The following NCKAP5 variants were observed in gnomAD, a reference collection of about 807,000 sequenced individuals.
The protein encoded by NCKAP5 is NCK associated protein 5, also known as nck-associated protein 5.
A neutral mutation model predicts 167.0 loss-of-function variants in NCKAP5; 92 were observed. The observed-to-expected ratio is 0.55, with a 90% CI of 0.47 to 0.66. NCKAP5 has a LOEUF of 0.66. Among genes scored for constraint, NCKAP5 ranks in the 30% least tolerant of loss-of-function variants. NCKAP5 has a pLI of 0.00. For missense variants in NCKAP5, 2,378 were observed against 2,315.0 expected (o/e 1.03, Z -0.56); for synonymous variants, 891 against 877.4 (o/e 1.02, Z -0.27).
intron 3 of NCKAP5, among the ~76,000 whole-genome samples, chr2:133,418,789 T>A (rs1376605243): frequency 6.6e-6 from 1 of 152,184 alleles, no homozygotes; most frequent in African/African-American, 2.4e-5. Context: ...GCCGTTAGTG[T>A]TTCTAATAGG....
At chr2:133,349,670 T>A (rs914520079) in intron 3 of NCKAP5, among the ~76,000 whole-genome samples, 1 of 152,224 alleles carries the variant, frequency 6.6e-6, no homozygotes, top group Non-Finnish European at 1.5e-5. Flanking sequence ...GTTCACATGT[T>A]TGGCATTTTA....
intron 3 of NCKAP5, among the ~76,000 whole-genome samples, chr2:133,322,398 G>C (rs1306272541): frequency 6.6e-6 from 1 of 152,188 alleles, no homozygotes; most frequent in East Asian, 1.9e-4. Context: ...GAGTGAGCTT[G>C]TGGAAAGATA....
intron 6 of NCKAP5, among the ~76,000 whole-genome samples, chr2:133,016,453 AG>A (rs1249724912): frequency 6.6e-6 from 1 of 152,240 alleles, no homozygotes; most frequent in Non-Finnish European, 1.5e-5. Flanking sequence ...AAATCTTTAC[AG>A]GCCTTCCGTG....
rs570670520 is a variant in NCKAP5 at position 133,567,475 on chromosome 2, C to G, written c.-130+741G>C. On this transcript the variant is annotated intron_variant, in intron 1 of 19. Transcript: ENST00000409261. Reference sequence around the variant, plus strand: ...AAGAGAACATGTGGATTTTGTATACCGATCTAGCTCAGTGTCAAAGTTTGC... The same window carrying G: ...AAGAGAACATGTGGATTTTGTATACGGATCTAGCTCAGTGTCAAAGTTTGC... Among the ~76,000 whole-genome samples, 344 of 152,188 alleles carry G rather than the reference C, an allele frequency of 2.3e-3. 2 individuals are homozygous for G. Among genetic ancestry groups the G allele is most frequent in the African/African-American group, 7.8e-3 (322 of 41,472 alleles).
chr2:132,932,086 A>G (rs1304841098), intron 8 of NCKAP5, among the ~76,000 whole-genome samples: 2 of 152,204 alleles, frequency 1.3e-5, no homozygotes, highest in East Asian at 1.9e-4. Flanking sequence ...ACTGGTAATC[A>G]CCTATTACAA....
At position 132,731,726 on chromosome 2, in the gene NCKAP5, T is replaced by G; in HGVS notation, c.5443+11A>C. On this transcript the variant is annotated intron_variant, in intron 17 of 19. Transcript: ENST00000409261. Reference sequence around the variant, plus strand: ...AAATGTCTTATTAAGGGTGGGAAATTGGCATTTTACCTGAGGAAGCTGGTT... The same window carrying G: ...AAATGTCTTATTAAGGGTGGGAAATGGGCATTTTACCTGAGGAAGCTGGTT... 1 of 1,560,314 alleles carries G rather than the reference T, an allele frequency of 6.4e-7. No individual in the cohort carries two copies.
chr2:132,890,264 T>C (rs1363663095), intron 8 of NCKAP5, among the ~76,000 whole-genome samples: 2 of 152,212 alleles, frequency 1.3e-5, no homozygotes, highest in African/African-American at 2.4e-5. Context: ...CAGAGTCCTG[T>C]GCCACTCTAC....
At chr2:133,130,936 A>G (rs1334176432) in intron 5 of NCKAP5, among the ~76,000 whole-genome samples, 3 of 152,176 alleles carry the variant, frequency 2.0e-5, no homozygotes, top group African/African-American at 7.2e-5. Flanking sequence ...TGTACACAGG[A>G]TATACACTCT....
At chr2:133,418,350 T>C (rs1689256930) in intron 3 of NCKAP5, among the ~76,000 whole-genome samples, 1 of 152,118 alleles carries the variant, frequency 6.6e-6, no homozygotes, top group African/African-American at 2.4e-5. Context: ...ACAGAGACAA[T>C]AGCTCTGTTC....
At chr2:132,750,010 A>T (rs1255138728) in intron 16 of NCKAP5, among the ~76,000 whole-genome samples, 3 of 152,212 alleles carry the variant, frequency 2.0e-5, no homozygotes, top group Non-Finnish European at 4.4e-5. Context: ...CAGCTTACAG[A>T]TACAGAAACT....
rs569487913 is a variant in NCKAP5 at position 133,378,750 on chromosome 2, C to A, written c.70-75640G>T. 1.3e-4 allele frequency among the ~76,000 whole-genome samples: 20 copies of A among 152,294 alleles called. 1 individual carries two copies. The East Asian group carries it at 2.7e-3, about 21-fold the overall frequency. On this transcript the variant is annotated intron_variant, in intron 3 of 19. Coordinates refer to ENST00000409261, the MANE Select transcript of NCKAP5 (RefSeq NM_207363.3). ...ATGTTAATTGCAGAGAGGCTAAGTT[C>A]ATTAAGTGCTGCTTAACTGTTGTCT...
intron 3 of NCKAP5, among the ~76,000 whole-genome samples, chr2:133,452,867 T>A (rs1163950668): frequency 6.6e-6 from 1 of 152,140 alleles, no homozygotes; most frequent in East Asian, 1.9e-4. Context: ...GTGTTAGAAG[T>A]TACTACTTTT....
rs114914896 is a variant in NCKAP5, at chr2:133,510,495, C to T, written c.69+6963G>A. Among the ~76,000 whole-genome samples, 1,453 of 152,282 alleles carry T rather than the reference C, an allele frequency of 9.5e-3. 14 individuals carry two copies. Among genetic ancestry groups the T allele is most frequent in the South Asian group, 0.016 (76 of 4,818 alleles). ...GAAAATCACAAGATCAGAAAATAGA[C>T]CTAGACCTACATTCTACATTCCTTA... On this transcript the variant is annotated intron_variant, in intron 3 of 19. Transcript: ENST00000409261.
chr2:132,702,584 C>T (rs1573927830), intron 19 of NCKAP5, among the ~76,000 whole-genome samples: 1 of 152,112 alleles, frequency 6.6e-6, no homozygotes. Flanking sequence ...CAAACAGCCC[C>T]CAAGGCTCAC....
At chr2:132,732,543 T>A (rs1363525844) in intron 16 of NCKAP5, among the ~76,000 whole-genome samples, 4 of 152,140 alleles carry the variant, frequency 2.6e-5, no homozygotes, top group Non-Finnish European at 5.9e-5. Context: ...TCCCCCTTCA[T>A]GTAATATGAG....
intron 19 of NCKAP5, among the ~76,000 whole-genome samples, chr2:132,688,880 G>T (rs1344876041): frequency 1.3e-5 from 2 of 151,252 alleles, no homozygotes; most frequent in African/African-American, 4.9e-5. Flanking sequence ...CACCTACTTG[G>T]GAGGCAGAGG....
chr2:133,178,596 C>G (rs1295128209), intron 5 of NCKAP5, among the ~76,000 whole-genome samples: 1 of 144,750 alleles, frequency 6.9e-6, no homozygotes, highest in South Asian at 2.2e-4. Flanking sequence ...GAGGCCGATG[C>G]GGGCGGATCA....
chr2:133,612,276 T>C, the NCKAP5 span, among the ~76,000 whole-genome samples: 2 of 152,136 alleles, frequency 1.3e-5, no homozygotes, highest in Admixed American at 6.5e-5. Flanking sequence ...CAAAAAGACA[T>C]AGGCATTGAG....
intron 12 of NCKAP5, among the ~76,000 whole-genome samples, chr2:132,790,429 G>A (rs189090620): frequency 2.0e-5 from 3 of 152,160 alleles, no homozygotes; most frequent in African/African-American, 2.4e-5. Context: ...ATTAGCCTAC[G>A]GTTGGGCAAA....
Sources: gnomAD v4.1 joint callset for allele counts (sites outside exome capture counted in the v4.1 genomes callset) on GRCh38, gnomAD v4.1.1 for gene constraint, MANE v1.5 for transcripts, NCBI Gene and HGNC (gene_info 2026-07-23, HGNC 2026-07-21) for gene names.